CACNA2D4: variants seen among roughly 807,000 people sequenced by gnomAD.
CACNA2D4 encodes the protein calcium voltage-gated channel auxiliary subunit alpha2delta 4.
Under a neutral mutation model 163.8 loss-of-function variants are expected in CACNA2D4, and 157 were observed. The observed-to-expected ratio is 0.96, with a 90% confidence interval of 0.84 to 1.09. The LOEUF (loss-of-function observed/expected upper bound fraction) is 1.09, where lower values mean the gene tolerates loss of function less well. Ranked by LOEUF, CACNA2D4 falls within the 50% of genes least tolerant of loss-of-function variation. CACNA2D4 has a pLI of 0.00. For missense variants in CACNA2D4, 1,410 were observed against 1,479.9 expected, an observed-to-expected ratio of 0.95 and a Z score of 0.78; for synonymous variants, 598 against 586.9, an observed-to-expected ratio of 1.02 and a Z score of -0.27.
intron 3 of CACNA2D4, among the ~76,000 whole-genome samples, chr12:1,912,050 C>A (rs996673353): frequency 1.3e-5 from 2 of 152,180 alleles, no homozygotes; most frequent in Non-Finnish European, 2.9e-5. Context: ...CCCCAGCAAC[C>A]CTGACCCCGG....
Position 1,831,532 on chromosome 12 carries a change from G to A in CACNA2D4, c.2551+9207C>T, listed in dbSNP as rs768778260. On this transcript the variant is annotated intron_variant, in intron 26 of 37. Coordinates refer to ENST00000382722, the MANE Select transcript of CACNA2D4 (RefSeq NM_172364.5). ...GAGTGGTTCTCCTACCGAGGTGAGC[G>A]CAGCCGGCCCTGCTGGGGCCCGAGG... The A allele has an allele frequency of 5.0e-5, 80 of 1,607,170 alleles. 1 individual carries two copies. The highest frequency in any genetic ancestry group is 5.0e-4 in the Middle Eastern group (3 of 6,036).
intron 23 of CACNA2D4, among the ~76,000 whole-genome samples, chr12:1,847,869 TA>T (rs35037693): frequency 1.3e-5 from 2 of 152,078 alleles, no homozygotes; most frequent in African/African-American, 4.8e-5. Flanking sequence ...AAATAACATT[TA>T]AAAAAACTTC....
intron 6 of CACNA2D4, among the ~76,000 whole-genome samples, chr12:1,894,418 T>C (rs1866355095): frequency 6.6e-6 from 1 of 152,052 alleles, no homozygotes; most frequent in African/African-American, 2.4e-5. Flanking sequence ...CAAAACCAGA[T>C]AAAGACACAA....
In CACNA2D4 at chr12:1,890,876, C is replaced by T. The variant is rs1866265224; in HGVS notation, c.782-3807G>A. 3.3e-5 allele frequency among the ~76,000 whole-genome samples: 5 copies of T among 152,296 alleles called. 1 individual carries two copies. Among genetic ancestry groups the T allele is most frequent in the Non-Finnish European group, 7.4e-5 (5 of 68,024 alleles). On this transcript the variant is annotated intron_variant, in intron 6 of 37. Coordinates refer to ENST00000382722, the MANE Select transcript of CACNA2D4 (RefSeq NM_172364.5). ...TCCTGAGTTCAGGGCCACTCAACTTCCTGGTACCACCATAGGTTGCACCCA... is the reference window on the plus strand; with the variant it reads ...TCCTGAGTTCAGGGCCACTCAACTTTCTGGTACCACCATAGGTTGCACCCA...
rs1465977633 is a variant in CACNA2D4 at position 1,798,072 on chromosome 12, C to T, written c.2996-537G>A. Among the ~76,000 whole-genome samples the T allele has an allele frequency of 6.6e-6, 1 of 152,218 alleles. No homozygotes were observed. Among genetic ancestry groups the T allele is most frequent in the Non-Finnish European group, 1.5e-5 (1 of 68,030 alleles). On this transcript the variant is annotated intron_variant, in intron 34 of 37. Coordinates refer to ENST00000382722, the MANE Select transcript of CACNA2D4 (RefSeq NM_172364.5). This position sits in a 1 kb window ranked among gnomAD's most constrained non-coding sequence, Gnocchi z 4.3. ...GGCAGCCGGGCAGGTGGGCTCCAGG[C>T]CTGGGGCTGCGGAAGCCCAGAAGCC...
rs1865722343 is a variant in CACNA2D4 at position 1,869,384 on chromosome 12, C to T, written c.1878+5220G>A. On this transcript the variant is annotated intron_variant, in intron 18 of 37. Coordinates refer to ENST00000382722, the MANE Select transcript of CACNA2D4 (RefSeq NM_172364.5). This position sits in a 1 kb window ranked among gnomAD's most constrained non-coding sequence, Gnocchi z 4.7. The stretch of plus-strand genomic sequence containing the variant: ...GGGCCGAAGCCAGATTCAAAGCCAC[C>T]CGCTGCTGCTGGCTCTCCTCCTTCA... 6.6e-6 allele frequency among the ~76,000 whole-genome samples: 1 copy of T among 152,234 alleles called. No individual in the cohort carries two copies. Among genetic ancestry groups the T allele is most frequent in the South Asian group, 2.1e-4 (1 of 4,830 alleles).
intron 25 of CACNA2D4, among the ~76,000 whole-genome samples, chr12:1,842,314 C>T (rs1197821400): frequency 1.3e-5 from 2 of 152,196 alleles, no homozygotes; most frequent in African/African-American, 2.4e-5. Flanking sequence ...TGCAGCTCCA[C>T]GTGGTCGGGA....
At chr12:1,808,276 A>G (rs1863605068) in intron 29 of CACNA2D4, among the ~76,000 whole-genome samples, 1 of 152,240 alleles carries the variant, frequency 6.6e-6, no homozygotes, top group Admixed American at 6.5e-5. Flanking sequence ...GCTGGAAACT[A>G]CAGCCCGTAG....
intron 29 of CACNA2D4, 37 bp downstream of exon 29, chr12:1,810,241 G>T: frequency 6.4e-7 from 1 of 1,553,886 alleles, no homozygotes; most frequent in East Asian, 2.2e-5. Context: ...TCCTCCTGCC[G>T]CCCTCTCCCC....
Position 1,844,511 on chromosome 12 carries a change from C to A in CACNA2D4, c.2361G>T (p.Glu787Asp). The A allele has an allele frequency of 6.2e-7, 1 of 1,613,134 alleles. No individual in the cohort carries two copies. The highest frequency in any genetic ancestry group is 8.5e-7 in the Non-Finnish European group (1 of 1,179,520). ...CCAGGGTGAACACGCTGGCCTCGTC[C>A]TCAGGTGTCAGGAACTTCCTGCAAG... The part of the protein sequence containing the change: ...KVSDRKFLTP[E>D]DEASVFTLDR... The change falls in exon 25 of 38, where the codon GAG becomes GAT. Residue 787 changes from glutamate to aspartate, a missense_variant. Physicochemically the swap from Glu to Asp is conservative, Grantham distance 45. Coordinates refer to ENST00000382722, the MANE Select transcript of CACNA2D4 (RefSeq NM_172364.5). The surrounding 1 kb of genome is among the most constrained non-coding windows in gnomAD (Gnocchi z 4.2).
chr12:1,842,616 C>T (rs913074651), intron 25 of CACNA2D4, among the ~76,000 whole-genome samples: 1 of 150,998 alleles, frequency 6.6e-6, no homozygotes, highest in Non-Finnish European at 1.5e-5. Flanking sequence ...TCTCACCCAC[C>T]CACCCTCCCA....
rs1413755541 is a variant in CACNA2D4, at chr12:1,851,762, C to G, written c.2246+2189G>C. ...ACTTGATAATCAGTTTATCTAGATG[C>G]AGAAAAAGACTGACGGTGTTTTCAT... On this transcript the variant is annotated intron_variant, in intron 23 of 37. Coordinates refer to ENST00000382722, the MANE Select transcript of CACNA2D4 (RefSeq NM_172364.5). 2.1e-5 allele frequency among the ~76,000 whole-genome samples: 3 copies of G among 144,900 alleles called. No individual in the cohort carries two copies. In the Admixed American group the frequency reaches 2.1e-4, roughly 10 times the overall value.
intron 26 of CACNA2D4, among the ~76,000 whole-genome samples, chr12:1,818,955 C>T (rs1167410614): frequency 6.7e-6 from 1 of 149,954 alleles, no homozygotes; most frequent in African/African-American, 2.5e-5. Flanking sequence ...GCCAAATCCC[C>T]CTCTCCGAGA....
chr12:1,906,205 T>C (rs1208237262), intron 6 of CACNA2D4, among the ~76,000 whole-genome samples: 1 of 152,156 alleles, frequency 6.6e-6, no homozygotes, highest in African/African-American at 2.4e-5. Context: ...GACCTAAAAC[T>C]ATAAAACTCC....
At position 1,886,291 on chromosome 12, in the gene CACNA2D4, T is replaced by C; in HGVS notation, c.925A>G (p.Ile309Val). 6.2e-7 allele frequency: 1 copy of C among 1,613,712 alleles called. No homozygotes were observed. Among genetic ancestry groups the C allele is most frequent in the Non-Finnish European group, 8.5e-7 (1 of 1,179,682 alleles). The change falls in exon 8 of 38, where the codon ATT becomes GTT. Residue 309 changes from isoleucine to valine, a missense_variant. Coordinates refer to ENST00000382722, the MANE Select transcript of CACNA2D4 (RefSeq NM_172364.5). Reference protein sequence around the residue: ...SGSMKGLRMTIAKHTITTILD... With the variant: ...SGSMKGLRMTVAKHTITTILD... ...ATGGTGGTGATGGTGTGCTTGGCAA[T>C]AGTCATCCTCAGCCCCTTCATACTG...
At chr12:1,915,780 C>A (rs1313341946) in intron 1 of CACNA2D4, among the ~76,000 whole-genome samples, 2 of 152,238 alleles carry the variant, frequency 1.3e-5, no homozygotes, top group Non-Finnish European at 2.9e-5. Flanking sequence ...GGCAGGTACA[C>A]AGGGCTGGGG....
intron 18 of CACNA2D4, among the ~76,000 whole-genome samples, chr12:1,873,811 A>G (rs1865832421): frequency 6.6e-6 from 1 of 152,250 alleles, no homozygotes; most frequent in Non-Finnish European, 1.5e-5. Context: ...GATGCCACCA[A>G]AATCAGACAC....
rs1199429882 is a variant in CACNA2D4 at position 1,791,986 on chromosome 12, A to G, written c.*1669T>C. 6.6e-6 allele frequency: 1 copy of G among 152,224 alleles called. No individual in the cohort carries two copies. Among genetic ancestry groups the G allele is most frequent in the Non-Finnish European group, 1.5e-5 (1 of 68,034 alleles). 9.4% of individuals were successfully genotyped at this position (152,224 alleles called of 1,614,324 possible). On this transcript the variant is annotated 3_prime_UTR_variant, in exon 38 of 38. Coordinates refer to ENST00000382722, the MANE Select transcript of CACNA2D4 (RefSeq NM_172364.5). ...GATCGCAGTTAGCATGTATTTATTT[A>G]GCGTTTAGTATATGCCAGGCAGTTT...
At chr12:1,810,892 CGGG>C (rs1433105244) in intron 27 of CACNA2D4, among the ~76,000 whole-genome samples, 3 of 152,158 alleles carry the variant, frequency 2.0e-5, no homozygotes, top group Non-Finnish European at 4.4e-5. Flanking sequence ...ATGTGGCCTG[CGGG>C]TGCTGCATTC....
Sources: gnomAD v4.1 joint callset for allele counts (sites outside exome capture counted in the v4.1 genomes callset) on GRCh38, gnomAD v4.1.1 for gene constraint, Gnocchi (gnomAD v3.1) non-coding constraint, MANE v1.5 for transcripts, NCBI Gene and HGNC (gene_info 2026-07-23, HGNC 2026-07-21) for gene names.